The following PSTPIP2 variants were observed in gnomAD, a reference collection of about 807,000 sequenced individuals.
PSTPIP2 encodes proline-serine-threonine phosphatase-interacting protein 2.
A neutral mutation model predicts 63.3 loss-of-function variants in PSTPIP2; 33 were observed. The observed-to-expected ratio is 0.52, with a 90% CI of 0.40 to 0.70. PSTPIP2 has a LOEUF of 0.70. Among genes scored for constraint, PSTPIP2 ranks in the 30% least tolerant of loss-of-function variants. The pLI is 0.00. For missense variants in PSTPIP2, 312 were observed against 400.7 expected (o/e 0.78, Z 1.89); for synonymous variants, 125 against 132.7 (o/e 0.94, Z 0.40).
intron 6 of PSTPIP2, among the ~76,000 whole-genome samples, chr18:46,002,628 T>C (rs2051679371): frequency 6.6e-6 from 1 of 152,208 alleles, no homozygotes; most frequent in Non-Finnish European, 1.5e-5. Flanking sequence ...GCTTTTCTAT[T>C]TCTTTGCCAG....
rs568505015 is a variant in PSTPIP2 at position 45,997,808 on chromosome 18, T to C, written c.583A>G (p.Ile195Val). The C allele has an allele frequency of 5.2e-6, 8 of 1,540,954 alleles. No homozygotes were observed. The highest frequency in any genetic ancestry group is 2.8e-5 in the African/African-American group (2 of 70,610). Reference protein sequence around the residue: ...EDSDKAYMLHIGTLDKVREEW... With the variant: ...EDSDKAYMLHVGTLDKVREEW... The stretch of plus-strand genomic sequence containing the variant: ...TCTCGGACCTTATCCAGGGTGCCGA[T>C]GTGCAGCATGTATGCTTTGTCTGCA... The change falls in exon 9 of 15, where the codon ATC (isoleucine) becomes GTC (valine). Residue 195 changes from isoleucine (I) to valine (V), a missense_variant. Ile to Val is a conservative substitution (Grantham distance 29, BLOSUM62 3). Transcript: ENST00000409746.
intron 1 of PSTPIP2, among the ~76,000 whole-genome samples, chr18:46,062,984 A>G (rs1036898027): frequency 1.3e-5 from 2 of 152,140 alleles, no homozygotes; most frequent in Non-Finnish European, 1.5e-5. Context: ...ATGTCAGAAC[A>G]CTTAAGCCCT....
intron 6 of PSTPIP2, among the ~76,000 whole-genome samples, chr18:46,005,007 C>T (rs2051709685): frequency 6.6e-6 from 1 of 152,196 alleles, no homozygotes; most frequent in African/African-American, 2.4e-5. Context: ...GGTACATATA[C>T]ACCATGGAAT....
intron 1 of PSTPIP2, among the ~76,000 whole-genome samples, chr18:46,068,847 G>T (rs1358204539): frequency 6.6e-6 from 1 of 152,182 alleles, no homozygotes; most frequent in Non-Finnish European, 1.5e-5. Flanking sequence ...GGCAACATCA[G>T]TTCAAACTCT....
chr18:46,036,486 T>C (rs1404903021), intron 2 of PSTPIP2, among the ~76,000 whole-genome samples: 1 of 152,152 alleles, frequency 6.6e-6, no homozygotes, highest in African/African-American at 2.4e-5. Context: ...TTATATAATC[T>C]CATTTAACCA....
intron 1 of PSTPIP2, among the ~76,000 whole-genome samples, chr18:46,048,839 A>G (rs1233364308): frequency 1.3e-5 from 2 of 152,184 alleles, no homozygotes; most frequent in Admixed American, 6.6e-5. Flanking sequence ...TAGGGTCTAT[A>G]TATTAGCTAA....
intron 4 of PSTPIP2, 141 bp from the exon 5 acceptor site, chr18:46,011,428 G>A: frequency 1.5e-6 from 1 of 665,026 alleles, no homozygotes; most frequent in Non-Finnish European, 2.5e-6. Flanking sequence ...TCACCAACAT[G>A]TATTGAACCT....
chr18:45,994,327 T>C (rs554164990), intron 9 of PSTPIP2, among the ~76,000 whole-genome samples: 6 of 152,336 alleles, frequency 3.9e-5, no homozygotes, highest in Non-Finnish European at 7.3e-5. Context: ...TTTAAAATAT[T>C]GAATACCATA....
chr18:45,998,887 C>T, intron 7 of PSTPIP2, 48 bp from the exon 8 acceptor site: 1 of 1,606,000 alleles, frequency 6.2e-7, no homozygotes, highest in Non-Finnish European at 8.5e-7. Flanking sequence ...ATTGGGAATG[C>T]TGGACGAGGC....
chr18:46,015,981 T>G, intron 3 of PSTPIP2, 44 bp from the exon 4 acceptor site: 1 of 1,581,718 alleles, frequency 6.3e-7, no homozygotes, highest in South Asian at 1.1e-5. Flanking sequence ...CTGGAAATTC[T>G]CTGCACAATC....
intron 1 of PSTPIP2, among the ~76,000 whole-genome samples, chr18:46,058,116 C>A (rs1441742795): frequency 2.0e-5 from 3 of 151,930 alleles, no homozygotes; most frequent in Non-Finnish European, 4.4e-5. Context: ...TGCTAACCTG[C>A]CATTCCTTAG....
In PSTPIP2 at chr18:45,997,836, A is replaced by G. The variant is rs768790732; in HGVS notation, c.563-8T>C. On this transcript the variant is annotated splice_region_variant and splice_polypyrimidine_tract_variant and intron_variant, in intron 8 of 14. Coordinates refer to ENST00000409746, the MANE Select transcript of PSTPIP2 (RefSeq NM_024430.4). ...GCAGCATGTATGCTTTGTCTGCAAC[A>G]GAAGGGAGAGACCTGGGTCAGAAAC... 2 of 1,609,228 alleles carry G rather than the reference A, an allele frequency of 1.2e-6. No individual in the cohort carries two copies. Among genetic ancestry groups the G allele is most frequent in the Non-Finnish European group, 1.7e-6 (2 of 1,178,796 alleles).
chr18:46,020,262 A>G (rs1469717453), intron 3 of PSTPIP2, among the ~76,000 whole-genome samples: 1 of 152,214 alleles, frequency 6.6e-6, no homozygotes, highest in Non-Finnish European at 1.5e-5. Context: ...CAACTCTTTT[A>G]AAAAGCACGT....
Position 46,007,118 on chromosome 18 carries a change from T to C in PSTPIP2, c.355-1587A>G, listed in dbSNP as rs150960719. ...ACACTAACGCTGTGCAAAAATGATATAACATTGAAAATAAAATTCAAATGT... is the reference window on the plus strand; with the variant it reads ...ACACTAACGCTGTGCAAAAATGATACAACATTGAAAATAAAATTCAAATGT... On this transcript the variant is annotated intron_variant, in intron 5 of 14. Coordinates refer to ENST00000409746, the MANE Select transcript of PSTPIP2 (RefSeq NM_024430.4). 1.4e-3 allele frequency among the ~76,000 whole-genome samples: 215 copies of C among 152,344 alleles called. 2 individuals are homozygous for C. The highest frequency in any genetic ancestry group is 8.8e-5 in the Non-Finnish European group (6 of 68,036).
At chr18:46,047,302 C>T (rs1380636259) in intron 1 of PSTPIP2, among the ~76,000 whole-genome samples, 1 of 152,052 alleles carries the variant, frequency 6.6e-6, no homozygotes, top group South Asian at 2.1e-4. Flanking sequence ...GGGTTAGGTG[C>T]GGTGGCTCAT....
chr18:46,037,576 C>T (rs934301624), intron 2 of PSTPIP2, among the ~76,000 whole-genome samples: 1 of 152,210 alleles, frequency 6.6e-6, no homozygotes, highest in Non-Finnish European at 1.5e-5. Context: ...TGCACCCACC[C>T]GAACAAGAGG....
rs2051493161 is a variant in PSTPIP2, at chr18:45,988,722, C to A, written c.993G>T (p.Leu331Phe). The A allele has an allele frequency of 6.4e-7, 1 of 1,562,356 alleles. No homozygotes were observed. Among genetic ancestry groups the A allele is most frequent in the Admixed American group, 1.7e-5 (1 of 59,936 alleles). The change falls in exon 14 of 15, where the codon TTG (leucine) becomes TTT (phenylalanine). Residue 331 changes from leucine (L) to phenylalanine (F), a missense_variant. Coordinates refer to ENST00000409746, the MANE Select transcript of PSTPIP2 (RefSeq NM_024430.4). The part of the protein sequence containing the change: ...PNYSLVDDYS[L>F]LYQ Reference sequence around the variant, plus strand: ...CTTACCATTGATTTTACTGATAGAGCAAACTGTAGTCATCAACCAAAGAGT... The same window carrying A: ...CTTACCATTGATTTTACTGATAGAGAAAACTGTAGTCATCAACCAAAGAGT...
chr18:46,039,123 T>C lies in PSTPIP2; in HGVS notation c.134+824A>G, dbSNP rs141028999. Among the ~76,000 whole-genome samples, 55 of 152,350 alleles carry C rather than the reference T, an allele frequency of 3.6e-4. No individual in the cohort carries two copies. In the East Asian group the frequency reaches 9.6e-3, roughly 27 times the overall value. Reference sequence around the variant, plus strand: ...TTACAAATAGAACCTGTTCATTAATTTGAATCTTGGCAAGGATCCTGATCT... The same window carrying C: ...TTACAAATAGAACCTGTTCATTAATCTGAATCTTGGCAAGGATCCTGATCT... On this transcript the variant is annotated intron_variant, in intron 2 of 14. Coordinates refer to ENST00000409746, the MANE Select transcript of PSTPIP2 (RefSeq NM_024430.4).
At chr18:46,015,481 A>T (rs1206448917) in intron 4 of PSTPIP2, among the ~76,000 whole-genome samples, 6 of 152,102 alleles carry the variant, frequency 3.9e-5, no homozygotes, top group African/African-American at 1.4e-4. Flanking sequence ...AGACCTAAGA[A>T]GTATAGACGA....
Sources: gnomAD v4.1 joint callset for allele counts (sites outside exome capture counted in the v4.1 genomes callset) on GRCh38, gnomAD v4.1.1 for gene constraint, MANE v1.5 for transcripts, NCBI Gene and HGNC (gene_info 2026-07-23, HGNC 2026-07-21) for gene names.